Variants in ZNF69 observed in about 807,000 individuals in gnomAD.
The protein encoded by ZNF69 is ZNF3.
In ZNF69, 47 loss-of-function variants were observed where a neutral mutation model predicts 50.9. That is an observed-to-expected ratio of 0.92 (90% CI 0.73 to 1.18). The LOEUF (loss-of-function observed/expected upper bound fraction) is 1.18, where lower values mean the gene tolerates loss of function less well. ZNF69 is among the 50% of genes most tolerant of loss of function. The pLI is 0.00. For synonymous variants in ZNF69, 216 were observed against 223.1 expected (o/e 0.97, Z 0.29); for missense variants, 717 against 675.1 (o/e 1.06, Z -0.69).
the ZNF69 span, among the ~76,000 whole-genome samples, chr19:11,930,351 T>C: frequency 2.0e-5 from 3 of 148,480 alleles, no homozygotes; most frequent in Non-Finnish European, 2.9e-5. Context: ...TTAGCTGTCC[T>C]ACAGGGAGGT....
At chr19:11,961,090 G>A in the ZNF69 span, among the ~76,000 whole-genome samples, 1 of 152,178 alleles carries the variant, frequency 6.6e-6, no homozygotes, top group African/African-American at 2.4e-5. Flanking sequence ...ACCAGCCAGC[G>A]CCACAGAGGG....
At chr19:11,969,469 T>A in the ZNF69 span, among the ~76,000 whole-genome samples, 3 of 152,206 alleles carry the variant, frequency 2.0e-5, no homozygotes, top group African/African-American at 7.2e-5. Context: ...AGCGGTTAAT[T>A]GGTGGATTGT....
the ZNF69 span, among the ~76,000 whole-genome samples, chr19:11,920,753 G>A: frequency 1.3e-5 from 2 of 152,144 alleles, no homozygotes; most frequent in African/African-American, 4.8e-5. Context: ...GCCGGGCATG[G>A]TAGTCCCATT....
At chr19:11,924,741 C>T in the ZNF69 span, among the ~76,000 whole-genome samples, 1 of 152,146 alleles carries the variant, frequency 6.6e-6, no homozygotes, top group Non-Finnish European at 1.5e-5. Context: ...GTCTCGGTTC[C>T]CCTGCTGCTC....
chr19:11,970,107 G>A, the ZNF69 span, among the ~76,000 whole-genome samples: 1 of 152,310 alleles, frequency 6.6e-6, no homozygotes, highest in South Asian at 2.1e-4. Flanking sequence ...AATTCTTGGG[G>A]TGCTCAGCTT....
At chr19:11,929,920 G>A in the ZNF69 span, among the ~76,000 whole-genome samples, 1 of 148,240 alleles carries the variant, frequency 6.7e-6, no homozygotes, top group Admixed American at 6.6e-5. Context: ...ATGTCTTTGG[G>A]ATGAGGTTCC....
chr19:11,944,507 G>A, the ZNF69 span, among the ~76,000 whole-genome samples: 6 of 152,226 alleles, frequency 3.9e-5, no homozygotes, highest in African/African-American at 1.4e-4. Context: ...AGCCACAAAC[G>A]CTGGCCTGTT....
the ZNF69 span, chr19:11,978,085 C>A: frequency 1.3e-6 from 2 of 1,598,408 alleles, no homozygotes; most frequent in Non-Finnish European, 1.7e-6. Context: ...TACTCATAAA[C>A]CCTTCATAAT....
the ZNF69 span, chr19:11,965,321 G>A: frequency 5.4e-6 from 8 of 1,480,010 alleles, no homozygotes; most frequent in Middle Eastern, 2.1e-4. Flanking sequence ...CAGGGTCTGG[G>A]ACCGAGTCCT....
chr19:11,965,851 G>A, the ZNF69 span, among the ~76,000 whole-genome samples: 1 of 152,174 alleles, frequency 6.6e-6, no homozygotes, highest in Non-Finnish European at 1.5e-5. Flanking sequence ...GACAGGAATT[G>A]CAGGGAAAAT....
At chr19:11,908,335 A>G (rs573857706), downstream of ZNF69, among the ~76,000 whole-genome samples, 133 of 152,370 alleles carry the variant, frequency 8.7e-4, no homozygotes, top group African/African-American at 3.1e-3. Flanking sequence ...ATAGACATCT[A>G]CAGAACTCTC....
At chr19:11,948,556 C>T in the ZNF69 span, 636 of 1,608,992 alleles carry the variant, frequency 4.0e-4, 6 homozygotes, top group South Asian at 6.7e-3. Flanking sequence ...CTTCAGGTAT[C>T]GCCCATCCAT....
chr19:11,960,297 C>T, the ZNF69 span, among the ~76,000 whole-genome samples: 2 of 152,142 alleles, frequency 1.3e-5, no homozygotes, highest in African/African-American at 2.4e-5. Context: ...GGATTACAGG[C>T]GTGCGCCACT....
the ZNF69 span, chr19:11,978,244 A>G: frequency 3.1e-6 from 5 of 1,614,114 alleles, no homozygotes; most frequent in Non-Finnish European, 4.2e-6. Flanking sequence ...AAATCATGTG[A>G]TAACTTTGTA....
At chr19:11,954,225 A>G in the ZNF69 span, among the ~76,000 whole-genome samples, 2 of 152,228 alleles carry the variant, frequency 1.3e-5, no homozygotes, top group South Asian at 4.1e-4. Context: ...GGCATGGCCA[A>G]AAAATCCCAG....
the ZNF69 span, chr19:11,947,372 T>C: frequency 2.5e-6 from 4 of 1,608,952 alleles, no homozygotes; most frequent in South Asian, 4.5e-5. Flanking sequence ...TCATGAATGC[T>C]GTTGAGTGAT....
intron 1 of ZNF69, among the ~76,000 whole-genome samples, chr19:11,900,381 C>G (rs1248569971): frequency 6.7e-6 from 1 of 148,666 alleles, no homozygotes; most frequent in Non-Finnish European, 1.5e-5. Context: ...GAGACTGAGT[C>G]TGGCTCTGTC....
At chr19:11,967,413 G>GT in the ZNF69 span, among the ~76,000 whole-genome samples, 256 of 150,208 alleles carry the variant, frequency 1.7e-3, no homozygotes, top group Admixed American at 3.3e-3. Context: ...TCTCTATTTT[G>GT]TTTTTTTTTG....
chr19:11,932,317 C>A, the ZNF69 span, among the ~76,000 whole-genome samples: 1 of 146,968 alleles, frequency 6.8e-6, no homozygotes, highest in Admixed American at 6.7e-5. Flanking sequence ...ACACTCCAGC[C>A]TGGGTAACAG....
Sources: allele counts gnomAD v4.1 joint callset (sites outside exome capture counted in the v4.1 genomes callset), GRCh38; gene constraint gnomAD v4.1.1; transcripts MANE v1.5; gene names NCBI Gene and HGNC (gene_info 2026-07-23, HGNC 2026-07-21).